The following DTX1 variants were observed in gnomAD, a reference collection of about 807,000 sequenced individuals.
The protein encoded by DTX1 is deltex E3 ubiquitin ligase 1, also known as E3 ubiquitin-protein ligase DTX1.
A neutral mutation model predicts 57.8 loss-of-function variants in DTX1; 26 were observed. The ratio of observed to expected loss-of-function variants is 0.45; its 90% CI spans 0.33 to 0.62. DTX1 has a LOEUF of 0.62. Among genes scored for constraint, DTX1 ranks in the 20% least tolerant of loss-of-function variants. The probability of loss-of-function intolerance (pLI) is 0.02; values close to 1 mark genes in which losing one functional copy is unlikely to be tolerated. For synonymous variants in DTX1, 398 were observed against 394.1 expected (o/e 1.01, Z -0.12); for missense variants, 704 against 895.3 (o/e 0.79, Z 2.73).
intron 3 of DTX1, among the ~76,000 whole-genome samples, chr12:113,088,379 T>C (rs1305354319): frequency 2.0e-5 from 3 of 152,206 alleles, no homozygotes; most frequent in African/African-American, 7.2e-5. Flanking sequence ...AGGAGGACAG[T>C]AGTGGTATGC....
intron 3 of DTX1, among the ~76,000 whole-genome samples, chr12:113,085,423 T>G (rs776132940): frequency 6.6e-6 from 1 of 152,220 alleles, no homozygotes; most frequent in Non-Finnish European, 1.5e-5. Context: ...GCCAAGCTGA[T>G]AATTCCTAAA....
At chr12:113,062,580 G>A (rs1311341078) in intron 2 of DTX1, among the ~76,000 whole-genome samples, 1 of 152,218 alleles carries the variant, frequency 6.6e-6, no homozygotes, top group African/African-American at 2.4e-5. Context: ...CCTGAGCATG[G>A]GGTAAGACCG....
chr12:113,058,604 C>T (rs570964304), intron 2 of DTX1, among the ~76,000 whole-genome samples, 153 bp downstream of exon 2: 1 of 152,338 alleles, frequency 6.6e-6, no homozygotes, highest in East Asian at 1.9e-4. Context: ...CTAACCTTGT[C>T]CAGTTTAAGA....
In DTX1 at chr12:113,077,617, C is replaced by G. The variant is rs772277056; in HGVS notation, c.453C>G (p.Ile151Met). 1 of 1,612,950 alleles carries G rather than the reference C, an allele frequency of 6.2e-7. No homozygotes were observed. The highest frequency in any genetic ancestry group is 1.1e-5 in the South Asian group (1 of 91,060). The change falls in exon 3 of 10, where the codon ATC becomes ATG. Residue 151 changes from isoleucine to methionine, a missense_variant. By Grantham distance (10) the Ile-to-Met change is conservative. Coordinates refer to ENST00000548759, the MANE Select transcript of DTX1 (RefSeq NM_004416.3). This position sits in a 1 kb window ranked among gnomAD's most constrained non-coding sequence, Gnocchi z 7.8. ...CATCGCTAGGCTTCTGCTACCTCAT[C>G]TACTTCAACAGCATGTCGCAGATGA... ...DLSSLGFCYLIYFNSMSQMNR... is the reference protein window; with the variant it reads ...DLSSLGFCYLMYFNSMSQMNR...
At chr12:113,074,507 T>C (rs145157755) in intron 2 of DTX1, among the ~76,000 whole-genome samples, 10 of 151,626 alleles carry the variant, frequency 6.6e-5, no homozygotes, top group African/African-American at 1.7e-4. Context: ...AAGGGGGAGG[T>C]AGACAATGCC....
chr12:113,057,307 G>A (rs1190010965), intron 1 of DTX1, 142 bp from the exon 2 acceptor site: 1 of 152,326 alleles, frequency 6.6e-6, no homozygotes, highest in African/African-American at 2.4e-5. Context: ...CCAAGGGAAA[G>A]CGGGCGGGGC....
intron 2 of DTX1, among the ~76,000 whole-genome samples, chr12:113,072,232 G>C (rs2254306): frequency 0.62 from 95,016 of 152,126 alleles, 30,642 homozygotes; most frequent in Middle Eastern, 0.77. Context: ...CTTTGTGCCT[G>C]GTGCTCCAAA....
At chr12:113,074,817 C>G (rs2136057421) in intron 2 of DTX1, among the ~76,000 whole-genome samples, 1 of 152,242 alleles carries the variant, frequency 6.6e-6, no homozygotes, top group African/African-American at 2.4e-5. Flanking sequence ...ACTGGATTTA[C>G]TGACAGATTG....
rs1412289668 is a variant in DTX1, at chr12:113,093,978, G to C, written c.1166-60G>C. 3.3e-5 allele frequency: 52 copies of C among 1,554,000 alleles called. No homozygotes were observed. The highest frequency in any genetic ancestry group is 4.4e-5 in the Non-Finnish European group (51 of 1,147,172). Reference sequence around the variant, plus strand: ...CCTCTGACCCCTGACCCAGTTCTGAGCCAAGCCTTCGGGGACAGACTCTGG... The same window carrying C: ...CCTCTGACCCCTGACCCAGTTCTGACCCAAGCCTTCGGGGACAGACTCTGG... On this transcript the variant is annotated intron_variant, in intron 5 of 9. Coordinates refer to ENST00000548759, the MANE Select transcript of DTX1 (RefSeq NM_004416.3). This position sits in a 1 kb window ranked among gnomAD's most constrained non-coding sequence, Gnocchi z 4.2.
chr12:113,060,695 T>G (rs1435533300), intron 2 of DTX1, among the ~76,000 whole-genome samples: 3 of 152,194 alleles, frequency 2.0e-5, no homozygotes, highest in Non-Finnish European at 4.4e-5. Context: ...CATCATTAGC[T>G]CCATGTGCCC....
chr12:113,078,134 T>C (rs1448519047), intron 3 of DTX1, 29 bp downstream of exon 3: 1 of 1,326,220 alleles, frequency 7.5e-7, no homozygotes, highest in Non-Finnish European at 9.6e-7. Context: ...GGAGGGGGCC[T>C]CTGCGTCGTC....
At chr12:113,057,027 A>G (rs1008478473) in intron 1 of DTX1, 83 bp downstream of exon 1, 5 of 152,124 alleles carry the variant, frequency 3.3e-5, no homozygotes, top group African/African-American at 1.2e-4. Flanking sequence ...GGGCTGGGGA[A>G]GCGGGGCTGT....
Position 113,093,400 on chromosome 12 carries a change from C to T in DTX1, c.1004-139C>T, listed in dbSNP as rs759156734. 64 of 1,349,598 alleles carry T rather than the reference C, an allele frequency of 4.7e-5. No individual in the cohort carries two copies. The highest frequency in any genetic ancestry group is 6.1e-5 in the Non-Finnish European group (62 of 1,016,054). The allele number at this position is 1,349,598 out of a possible 1,614,324, so 83.6% of individuals were successfully genotyped here. A position where few individuals can be genotyped will look rare whatever the true frequency, so the allele number is the denominator to read the frequency against. On this transcript the variant is annotated intron_variant, in intron 4 of 9. Transcript: ENST00000548759. This position sits in a 1 kb window ranked among gnomAD's most constrained non-coding sequence, Gnocchi z 4.2. ...GGCCCGCAGAAAGGCCCTTCAGGGG[C>T]CTTCAAGGGGCTGAGTGGGTGGGGC...
At chr12:113,057,321 C>T (rs2044631805) in intron 1 of DTX1, 128 bp from the exon 2 acceptor site, 1 of 152,502 alleles carries the variant, frequency 6.6e-6, no homozygotes, top group African/African-American at 2.4e-5. Context: ...GCGGGGCGAC[C>T]CCGTACGCCC....
At chr12:113,091,057 G>A (rs986662660) in intron 3 of DTX1, among the ~76,000 whole-genome samples, 9 of 152,226 alleles carry the variant, frequency 5.9e-5, no homozygotes, top group African/African-American at 2.2e-4. Context: ...TTGTAGGGCT[G>A]AGCGCATGCT....
Position 113,096,842 on chromosome 12 carries a change from AC to A in DTX1, c.1768del (p.Leu590SerfsTer12). ...CACCACAAGACCGAGTTTGGATCCA[AC>A]CTCACGGGCCACGGCTACCCGGACG... Reference protein sequence around the residue: ...EIHHKTEFGSNLTGHGYPDAS... With the variant: ...EIHHKTEFGSXLTGHGYPDAS... On this transcript the variant is annotated frameshift_variant, in exon 10 of 10. Transcript: ENST00000548759. LOFTEE classifies it high-confidence loss of function. 1 of 1,613,898 alleles carries A rather than the reference AC, an allele frequency of 6.2e-7. No individual in the cohort carries two copies. Among genetic ancestry groups the A allele is most frequent in the Non-Finnish European group, 8.5e-7 (1 of 1,180,014 alleles).
intron 2 of DTX1, among the ~76,000 whole-genome samples, chr12:113,072,278 C>T (rs569402617): frequency 6.6e-6 from 1 of 152,328 alleles, no homozygotes; most frequent in Non-Finnish European, 1.5e-5. Context: ...TCTTTGTCCT[C>T]CCAAAAGTGA....
intron 3 of DTX1, among the ~76,000 whole-genome samples, chr12:113,092,525 C>T (rs2136066699): frequency 6.6e-6 from 1 of 151,784 alleles, no homozygotes; most frequent in Admixed American, 6.5e-5. Flanking sequence ...AGGGGCTCTT[C>T]ATTTGAAGAG....
chr12:113,074,349 A>C lies in DTX1; in HGVS notation c.260-3075A>C, dbSNP rs186681234. Among the ~76,000 whole-genome samples the C allele has an allele frequency of 1.2e-3, 176 of 152,352 alleles. 1 individual carries two copies. Among genetic ancestry groups the C allele is most frequent in the African/African-American group, 4.0e-3 (168 of 41,584 alleles). ...TTTGAACACACACCTGTAAGAAAGA[A>C]GGGAGGAAATGATGAGAACATCTGG... On this transcript the variant is annotated intron_variant, in intron 2 of 9. Coordinates refer to ENST00000548759, the MANE Select transcript of DTX1 (RefSeq NM_004416.3).
Sources: gnomAD v4.1 joint callset for allele counts (sites outside exome capture counted in the v4.1 genomes callset) on GRCh38, gnomAD v4.1.1 for gene constraint, Gnocchi (gnomAD v3.1) non-coding constraint, MANE v1.5 for transcripts, NCBI Gene and HGNC (gene_info 2026-07-23, HGNC 2026-07-21) for gene names.